The following VMP1 variants were observed in gnomAD, a reference collection of about 807,000 sequenced individuals.
The protein encoded by VMP1 is ectopic P-granules autophagy protein 3 homolog.
Under a neutral mutation model 56.0 loss-of-function variants are expected in VMP1, and 11 were observed. The ratio of observed to expected loss-of-function variants is 0.20; its 90% CI spans 0.12 to 0.32. The LOEUF is 0.32. Among genes scored for constraint, VMP1 ranks in the 10% least tolerant of loss-of-function variants. The probability of loss-of-function intolerance (pLI) is 1.00; values close to 1 mark genes in which losing one functional copy is unlikely to be tolerated. For synonymous variants in VMP1, 149 were observed against 165.0 expected, an observed-to-expected ratio of 0.90 and a Z score of 0.74; for missense variants, 296 against 490.3, an observed-to-expected ratio of 0.60 and a Z score of 3.74.
chr17:59,716,709 T>A (rs981094741), intron 1 of VMP1, among the ~76,000 whole-genome samples: 2 of 152,226 alleles, frequency 1.3e-5, no homozygotes, highest in Non-Finnish European at 2.9e-5. Context: ...GTTAACCTAT[T>A]TTTAAACTAT....
chr17:59,722,232 C>G (rs561217455), intron 1 of VMP1, among the ~76,000 whole-genome samples: 1 of 152,096 alleles, frequency 6.6e-6, no homozygotes, highest in Non-Finnish European at 1.5e-5. Flanking sequence ...CATGAGAAGT[C>G]AGATTATAAA....
chr17:59,810,975 T>C (rs1382470659), intron 8 of VMP1, among the ~76,000 whole-genome samples: 8 of 152,226 alleles, frequency 5.3e-5, no homozygotes, highest in Non-Finnish European at 8.8e-5. Flanking sequence ...GTATTTGTTG[T>C]GAATTACTTC....
At chr17:59,770,823 T>G (rs2645483) in intron 6 of VMP1, among the ~76,000 whole-genome samples, 68,263 of 151,838 alleles carry the variant, frequency 0.45, 17,981 homozygotes, top group African/African-American at 0.73. Flanking sequence ...CTAGTGATCC[T>G]CCTGCCTCAG....
At chr17:59,745,439 AC>A (rs1194002916) in intron 5 of VMP1, among the ~76,000 whole-genome samples, 1 of 152,208 alleles carries the variant, frequency 6.6e-6, no homozygotes, top group African/African-American at 2.4e-5. Context: ...AAAATAAGAA[AC>A]CAGAAGCAAA....
chr17:59,794,332 G>T (rs1568160604), intron 7 of VMP1, among the ~76,000 whole-genome samples: 1 of 142,810 alleles, frequency 7.0e-6, no homozygotes, highest in Non-Finnish European at 1.5e-5. Context: ...AAGCAGTTCT[G>T]CCTTAGCCTC....
At chr17:59,710,278 C>T (rs772335437) in intron 1 of VMP1, among the ~76,000 whole-genome samples, 1 of 152,082 alleles carries the variant, frequency 6.6e-6, no homozygotes, top group African/African-American at 2.4e-5. Context: ...AAGTAGATTC[C>T]CATTTAACAG....
chr17:59,786,528 A>AT (rs2037011945), intron 7 of VMP1, among the ~76,000 whole-genome samples: 1 of 152,188 alleles, frequency 6.6e-6, no homozygotes, highest in South Asian at 2.1e-4. Flanking sequence ...CTTTAGTACC[A>AT]TTTGAAGACT....
At chr17:59,722,736 G>C (rs2034448999) in intron 1 of VMP1, among the ~76,000 whole-genome samples, 1 of 152,108 alleles carries the variant, frequency 6.6e-6, no homozygotes, top group South Asian at 2.1e-4. Flanking sequence ...CCCAGCTAGT[G>C]GGGAGGCTGA....
chr17:59,801,457 T>C (rs932803160), intron 7 of VMP1, among the ~76,000 whole-genome samples: 6 of 151,940 alleles, frequency 3.9e-5, no homozygotes, highest in African/African-American at 1.4e-4. Flanking sequence ...TCTCCTTATG[T>C]TACCCAGGCT....
chr17:59,721,927 G>T (rs1377843860), intron 1 of VMP1, among the ~76,000 whole-genome samples: 7 of 152,134 alleles, frequency 4.6e-5, no homozygotes, highest in Non-Finnish European at 1.0e-4. Flanking sequence ...TGCCAGCAGG[G>T]TTTATTTCTG....
At chr17:59,778,162 A>C (rs914125928) in intron 7 of VMP1, among the ~76,000 whole-genome samples, 1 of 152,132 alleles carries the variant, frequency 6.6e-6, no homozygotes, top group African/African-American at 2.4e-5. Context: ...TGTATTTTTC[A>C]GGCATCGTCT....
intron 5 of VMP1, among the ~76,000 whole-genome samples, chr17:59,747,742 T>G (rs2035480804): frequency 6.6e-6 from 1 of 151,652 alleles, no homozygotes; most frequent in Admixed American, 6.6e-5. Context: ...AAAAATTATT[T>G]TAATTAGCTG....
At chr17:59,835,043 A>T (rs1468059266) in intron 10 of VMP1, among the ~76,000 whole-genome samples, 1 of 151,170 alleles carries the variant, frequency 6.6e-6, no homozygotes, top group Non-Finnish European at 1.5e-5. Flanking sequence ...TACAGGCGTG[A>T]ACCACCATGG....
chr17:59,789,905 T>C (rs1321091674), intron 7 of VMP1, among the ~76,000 whole-genome samples: 3 of 136,968 alleles, frequency 2.2e-5, no homozygotes, highest in Non-Finnish European at 3.1e-5. Flanking sequence ...AGTGGTGTGA[T>C]CTCAGCTCAC....
chr17:59,832,868 C>T, intron 10 of VMP1, among the ~76,000 whole-genome samples: 1 of 150,860 alleles, frequency 6.6e-6, no homozygotes, highest in Non-Finnish European at 1.5e-5. Context: ...ACCTCGGCCT[C>T]CCAAAGTGCT....
chr17:59,711,474 G>T (rs914999175), intron 1 of VMP1, among the ~76,000 whole-genome samples: 1 of 152,106 alleles, frequency 6.6e-6, no homozygotes, highest in East Asian at 1.9e-4. Context: ...TAACTTTGTC[G>T]TGGTTTTGTA....
chr17:59,800,611 G>C (rs2037603897), intron 7 of VMP1, among the ~76,000 whole-genome samples: 1 of 152,136 alleles, frequency 6.6e-6, no homozygotes, highest in South Asian at 2.1e-4. Context: ...AATATATACA[G>C]TCATATGCCA....
chr17:59,742,813 G>C (rs1419550271), intron 5 of VMP1, among the ~76,000 whole-genome samples: 1 of 152,100 alleles, frequency 6.6e-6, no homozygotes, highest in Non-Finnish European at 1.5e-5. Flanking sequence ...AGCAGCATCA[G>C]ATTCTCATAG....
chr17:59,708,726 G>A (rs557886959), intron 1 of VMP1, among the ~76,000 whole-genome samples: 1 of 152,172 alleles, frequency 6.6e-6, no homozygotes. Context: ...CCTAGTAATT[G>A]TATTGTCATT....
Sources: gnomAD v4.1 joint callset for allele counts (sites outside exome capture counted in the v4.1 genomes callset) on GRCh38, gnomAD v4.1.1 for gene constraint, MANE v1.5 for transcripts, NCBI Gene and HGNC (gene_info 2026-07-23, HGNC 2026-07-21) for gene names.